Variants in TRPM3 observed in about 807,000 individuals in gnomAD.
TRPM3 encodes the protein transient receptor potential cation channel subfamily M member 3.
A neutral mutation model predicts 181.2 loss-of-function variants in TRPM3; 77 were observed. That is an observed-to-expected ratio of 0.42 (90% CI 0.35 to 0.51). The LOEUF is 0.51. Ranked by LOEUF, TRPM3 falls within the 20% of genes least tolerant of loss-of-function variation. The pLI, the probability that TRPM3 is intolerant of heterozygous loss-of-function variation, is 0.01. For synonymous variants in TRPM3, 745 were observed against 796.4 expected (o/e 0.94, Z 1.09); for missense variants, 1,759 against 2,196.7 (o/e 0.80, Z 3.98).
At chr9:71,264,366 A>G (rs952232477) in intron 1 of TRPM3, among the ~76,000 whole-genome samples, 4 of 152,194 alleles carry the variant, frequency 2.6e-5, no homozygotes, top group African/African-American at 9.7e-5. Context: ...GTAGATAACA[A>G]AAGTGAATGA....
chr9:70,827,715 G>A, intron 6 of TRPM3, 132 bp downstream of exon 6: 3 of 1,134,526 alleles, frequency 2.6e-6, no homozygotes, highest in Non-Finnish European at 3.7e-6. Flanking sequence ...CTAAGCTCTG[G>A]CCCGGTAGAA....
At chr9:70,821,672 T>C (rs1027639282) in intron 6 of TRPM3, among the ~76,000 whole-genome samples, 5 of 152,368 alleles carry the variant, frequency 3.3e-5, no homozygotes, top group East Asian at 1.9e-4. Context: ...TCTCTGTACA[T>C]CAGTCTACTC....
chr9:71,321,379 T>G (rs2089207667), intron 1 of TRPM3, among the ~76,000 whole-genome samples: 1 of 152,200 alleles, frequency 6.6e-6, no homozygotes, highest in Non-Finnish European at 1.5e-5. Flanking sequence ...GTGTTACAAG[T>G]GCAACCAAAG....
intron 9 of TRPM3, among the ~76,000 whole-genome samples, chr9:70,661,573 T>C (rs543143377): frequency 1.6e-4 from 24 of 152,080 alleles, no homozygotes; most frequent in African/African-American, 4.8e-4. Context: ...CTAGATCCAA[T>C]AAACAAATTC....
intron 1 of TRPM3, among the ~76,000 whole-genome samples, chr9:71,208,093 G>A (rs2079238284): frequency 6.6e-6 from 1 of 152,136 alleles, no homozygotes; most frequent in Non-Finnish European, 1.5e-5. Flanking sequence ...TAGCCCTGGA[G>A]GGGAAGAGGA....
intron 24 of TRPM3, among the ~76,000 whole-genome samples, chr9:70,551,454 C>T (rs893882235): frequency 6.6e-6 from 1 of 152,210 alleles, no homozygotes; most frequent in Non-Finnish European, 1.5e-5. Flanking sequence ...AAACCCTGAA[C>T]AGCAACTGCA....
intron 12 of TRPM3, among the ~76,000 whole-genome samples, chr9:70,634,529 T>C (rs1408784818): frequency 6.6e-6 from 1 of 152,192 alleles, no homozygotes; most frequent in East Asian, 1.9e-4. Flanking sequence ...CTCATGACTA[T>C]TATTATTTTA....
rs1362715494 is a variant in TRPM3 at position 70,546,417 on chromosome 9, CT to C, written c.3707+3124del. On this transcript the variant is annotated intron_variant, in intron 25 of 25. Coordinates refer to ENST00000677713, the MANE Select transcript of TRPM3 (RefSeq NM_001366145.2). ...AGATGATTTTGAGACCTGTTAAAGACTGAGAACCACTGGGTTGGATGTTTCT... is the reference window on the plus strand; with the variant it reads ...AGATGATTTTGAGACCTGTTAAAGACGAGAACCACTGGGTTGGATGTTTCT... 7.2e-5 allele frequency among the ~76,000 whole-genome samples: 11 copies of C among 152,288 alleles called. 1 individual carries two copies. Among genetic ancestry groups the C allele is most frequent in the African/African-American group, 2.6e-4 (11 of 41,558 alleles).
Position 70,752,033 on chromosome 9 carries a change from TGTGTGTGTGTGTGTGTGC to T in TRPM3, c.1272+9550_1272+9567del, listed in dbSNP as rs771096744. 1.9e-3 allele frequency among the ~76,000 whole-genome samples: 221 copies of T among 115,928 alleles called. 4 individuals carry two copies. In the South Asian group the frequency reaches 0.033, roughly 17 times the overall value. The allele number at this position is 115,928 out of a possible 152,430, so 76.1% of individuals were successfully genotyped here. On this transcript the variant is annotated intron_variant, in intron 8 of 25. Coordinates refer to ENST00000677713, the MANE Select transcript of TRPM3 (RefSeq NM_001366145.2). The stretch of plus-strand genomic sequence containing the variant: ...GTGTGTGTGTGTGTGTGTGTGTGTG[TGTGTGTGTGTGTGTGTGC>T]GCGCGCGCGCGCATACACATGTACA...
intron 9 of TRPM3, among the ~76,000 whole-genome samples, chr9:70,678,254 TTTC>T (rs1442871622): frequency 6.6e-6 from 1 of 152,148 alleles, no homozygotes; most frequent in East Asian, 1.9e-4. Context: ...AACAACATTC[TTTC>T]TTCTTCTTTT....
chr9:70,629,438 T>C (rs7040694), intron 12 of TRPM3, among the ~76,000 whole-genome samples: 116,321 of 151,900 alleles, frequency 0.77, 46,057 homozygotes, highest in East Asian at 0.92. Context: ...CGGGTTCAAG[T>C]GATTCTCCTG....
At chr9:70,845,184 C>G (rs2094902473) in intron 4 of TRPM3, among the ~76,000 whole-genome samples, 1 of 152,112 alleles carries the variant, frequency 6.6e-6, no homozygotes, top group African/African-American at 2.4e-5. Flanking sequence ...CAGTGTAGGT[C>G]TTACTCAAAC....
chr9:70,879,668 A>G (rs922768261), intron 1 of TRPM3, among the ~76,000 whole-genome samples: 26 of 152,256 alleles, frequency 1.7e-4, no homozygotes, highest in East Asian at 1.9e-4. Flanking sequence ...AATAATAGAT[A>G]TTATACAGTT....
chr9:70,550,428 C>A (rs2046198567), intron 24 of TRPM3, among the ~76,000 whole-genome samples: 1 of 152,130 alleles, frequency 6.6e-6, no homozygotes, highest in African/African-American at 2.4e-5. Context: ...CTTCAATGAG[C>A]CATTGTTGAG....
rs141258430 is a variant in TRPM3 at position 70,861,892 on chromosome 9, A to T, written c.462+1016T>A. On this transcript the variant is annotated intron_variant, in intron 3 of 25. Transcript: ENST00000677713. ...TTTCATAGAAAAGAAGTGTTAAAATAGCTCAGTCAGCCATTCGTGGTAAAG... is the reference window on the plus strand; with the variant it reads ...TTTCATAGAAAAGAAGTGTTAAAATTGCTCAGTCAGCCATTCGTGGTAAAG... 1.0e-4 allele frequency among the ~76,000 whole-genome samples: 14 copies of T among 135,144 alleles called. No homozygotes were observed. In the South Asian group the frequency reaches 1.7e-3, roughly 16 times the overall value. 88.7% of individuals were successfully genotyped at this position (135,144 alleles called of 152,430 possible).
intron 18 of TRPM3, among the ~76,000 whole-genome samples, chr9:70,614,612 G>A (rs1167356926): frequency 6.6e-6 from 1 of 152,138 alleles, no homozygotes; most frequent in Non-Finnish European, 1.5e-5. Flanking sequence ...AACAGTATTA[G>A]TTCACAGTGT....
intron 1 of TRPM3, among the ~76,000 whole-genome samples, chr9:71,224,063 G>A (rs574168125): frequency 6.6e-6 from 1 of 152,288 alleles, no homozygotes; most frequent in South Asian, 2.1e-4. Context: ...GCCCAGTAGT[G>A]GCTACAGCAG....
chr9:70,932,365 T>C (rs1396535736), intron 1 of TRPM3, among the ~76,000 whole-genome samples: 1 of 152,078 alleles, frequency 6.6e-6, no homozygotes, highest in Non-Finnish European at 1.5e-5. Flanking sequence ...GAGTTTCTAT[T>C]GAGTAGTTTT....
chr9:70,699,999 G>C (rs866697732), intron 8 of TRPM3, among the ~76,000 whole-genome samples: 1 of 151,984 alleles, frequency 6.6e-6, no homozygotes, highest in Non-Finnish European at 1.5e-5. Flanking sequence ...GTTTGTTTTC[G>C]TGAGACAGAG....
Sources: allele counts gnomAD v4.1 joint callset (sites outside exome capture counted in the v4.1 genomes callset), GRCh38; gene constraint gnomAD v4.1.1; transcripts MANE v1.5; gene names NCBI Gene and HGNC (gene_info 2026-07-23, HGNC 2026-07-21).